Variants in ANGPT1 observed in about 807,000 individuals in gnomAD.
The protein encoded by ANGPT1 is angiopoietin 1.
In ANGPT1, 17 loss-of-function variants were observed where a neutral mutation model predicts 62.2. The ratio of observed to expected loss-of-function variants is 0.27; its 90% confidence interval spans 0.19 to 0.41. The LOEUF is 0.41. ANGPT1 is among the 10% of genes least tolerant of loss of function. The pLI, the probability that ANGPT1 is intolerant of heterozygous loss-of-function variation, is 1.00. For synonymous variants in ANGPT1, 199 were observed against 198.9 expected, an observed-to-expected ratio of 1.00 and a Z score of 0.00; for missense variants, 478 against 594.9, an observed-to-expected ratio of 0.80 and a Z score of 2.04.
chr8:107,313,891 T>C (rs771830230), intron 4 of ANGPT1, among the ~76,000 whole-genome samples: 4 of 152,214 alleles, frequency 2.6e-5, no homozygotes, highest in Non-Finnish European at 4.4e-5. Context: ...TCTTACAGTA[T>C]AAAAAATTTC....
intron 1 of ANGPT1, among the ~76,000 whole-genome samples, chr8:107,471,950 T>C (rs932565283): frequency 6.6e-6 from 1 of 152,102 alleles, no homozygotes; most frequent in Non-Finnish European, 1.5e-5. Context: ...CCTGATGTTA[T>C]TTTTTGGTCC....
In ANGPT1 at chr8:107,484,664, C is replaced by T. The variant is rs527788971; in HGVS notation, c.297+12598G>A. Among the ~76,000 whole-genome samples the T allele has an allele frequency of 8.5e-4, 130 of 152,168 alleles. 1 individual carries two copies. The highest frequency in any genetic ancestry group is 1.6e-3 in the Non-Finnish European group (111 of 67,996). On this transcript the variant is annotated intron_variant, in intron 1 of 8. Transcript: ENST00000517746. ...GGCTCAATCCACCAGTCTTGGCCTCCGAAAGTGATGGATTACAGACATGAG... is the reference window on the plus strand; with the variant it reads ...GGCTCAATCCACCAGTCTTGGCCTCTGAAAGTGATGGATTACAGACATGAG...
At chr8:107,471,968 C>T (rs1441662031) in intron 1 of ANGPT1, among the ~76,000 whole-genome samples, 1 of 151,960 alleles carries the variant, frequency 6.6e-6, no homozygotes, top group African/African-American at 2.4e-5. Flanking sequence ...TCCATAATCC[C>T]ATCCAGAATA....
intron 1 of ANGPT1, among the ~76,000 whole-genome samples, chr8:107,363,244 A>C (rs1407147297): frequency 1.3e-5 from 2 of 152,212 alleles, no homozygotes; most frequent in Non-Finnish European, 2.9e-5. Flanking sequence ...GAAATAATAC[A>C]TGTCAAAATG....
chr8:107,347,180 A>G, intron 1 of ANGPT1, 83 bp from the exon 2 acceptor site: 1 of 1,394,080 alleles, frequency 7.2e-7, no homozygotes, highest in Non-Finnish European at 9.8e-7. Context: ...ATAACAAAAC[A>G]AGACACCGCT....
intron 1 of ANGPT1, among the ~76,000 whole-genome samples, 177 bp from the exon 2 acceptor site, chr8:107,347,274 A>G (rs1815827063): frequency 6.6e-6 from 1 of 152,178 alleles, no homozygotes; most frequent in African/African-American, 2.4e-5. Context: ...TCCAGTTGTC[A>G]ACAAATTCCT....
intron 1 of ANGPT1, among the ~76,000 whole-genome samples, chr8:107,362,413 G>T (rs1361521933): frequency 2.0e-5 from 3 of 152,168 alleles, no homozygotes; most frequent in Admixed American, 2.0e-4. Flanking sequence ...AAGAAATACA[G>T]TTTCAAGGAC....
At chr8:107,264,621 C>A (rs933682349) in intron 7 of ANGPT1, among the ~76,000 whole-genome samples, 1 of 152,144 alleles carries the variant, frequency 6.6e-6, no homozygotes, top group East Asian at 1.9e-4. Flanking sequence ...TGTATTAATA[C>A]AGGTATTAAC....
intron 1 of ANGPT1, among the ~76,000 whole-genome samples, chr8:107,405,924 T>G (rs895239439): frequency 6.6e-6 from 1 of 151,968 alleles, no homozygotes; most frequent in African/African-American, 2.4e-5. Context: ...TCAAAGAGTA[T>G]AAACATTTTG....
At chr8:107,469,373 A>G (rs1223499128) in intron 1 of ANGPT1, among the ~76,000 whole-genome samples, 5 of 152,080 alleles carry the variant, frequency 3.3e-5, no homozygotes, top group African/African-American at 1.2e-4. Context: ...CCATTAGGGT[A>G]GAAATGATGT....
intron 3 of ANGPT1, among the ~76,000 whole-genome samples, chr8:107,330,541 T>C (rs1451336250): frequency 6.6e-6 from 1 of 152,134 alleles, no homozygotes; most frequent in Non-Finnish European, 1.5e-5. Context: ...TGTCATTTGG[T>C]TGAGAGGGAA....
At chr8:107,286,959 T>C (rs919848262) in intron 6 of ANGPT1, among the ~76,000 whole-genome samples, 3 of 152,272 alleles carry the variant, frequency 2.0e-5, no homozygotes, top group African/African-American at 7.2e-5. Flanking sequence ...TACAGGAGGC[T>C]GAAAGTCAAA....
intron 1 of ANGPT1, among the ~76,000 whole-genome samples, chr8:107,491,483 G>A (rs778189544): frequency 6.6e-6 from 1 of 152,212 alleles, no homozygotes; most frequent in African/African-American, 2.4e-5. Context: ...AGTGGGGAAG[G>A]TGGTAGGTAA....
chr8:107,441,922 G>T (rs1406366905), intron 1 of ANGPT1, among the ~76,000 whole-genome samples: 1 of 152,002 alleles, frequency 6.6e-6, no homozygotes, highest in Non-Finnish European at 1.5e-5. Context: ...TGTCTCTACT[G>T]AAAATACAAA....
intron 1 of ANGPT1, among the ~76,000 whole-genome samples, chr8:107,358,178 T>C (rs1354038625): frequency 6.6e-6 from 1 of 152,210 alleles, no homozygotes; most frequent in Non-Finnish European, 1.5e-5. Context: ...AAACTGTCAA[T>C]GTCATTGTAT....
intron 1 of ANGPT1, among the ~76,000 whole-genome samples, chr8:107,411,924 A>C (rs1810593762): frequency 6.6e-6 from 1 of 152,194 alleles, no homozygotes; most frequent in Non-Finnish European, 1.5e-5. Flanking sequence ...CAACAGAAAG[A>C]GCTACATGCT....
intron 1 of ANGPT1, among the ~76,000 whole-genome samples, chr8:107,402,758 A>G (rs1485319635): frequency 6.6e-6 from 1 of 152,186 alleles, no homozygotes; most frequent in Non-Finnish European, 1.5e-5. Context: ...CTGCCACAAT[A>G]AAGAAATATA....
At chr8:107,277,629 G>T (rs1198263535) in intron 7 of ANGPT1, among the ~76,000 whole-genome samples, 1 of 152,160 alleles carries the variant, frequency 6.6e-6, no homozygotes, top group Admixed American at 6.5e-5. Context: ...AAGTGATTAA[G>T]CTTAGCCCAA....
intron 8 of ANGPT1, among the ~76,000 whole-genome samples, chr8:107,254,097 A>C (rs900099763): frequency 6.6e-6 from 1 of 152,062 alleles, no homozygotes. Context: ...CACCTAACGA[A>C]GTTTGCTTCC....
Sources: gnomAD v4.1 joint callset for allele counts (sites outside exome capture counted in the v4.1 genomes callset) on GRCh38, gnomAD v4.1.1 for gene constraint, MANE v1.5 for transcripts, NCBI Gene and HGNC (gene_info 2026-07-23, HGNC 2026-07-21) for gene names.